Variants in BMPR1A observed in about 807,000 individuals in gnomAD.
BMPR1A encodes bone morphogenetic protein receptor type 1A.
BMPR1A carries 7 observed loss-of-function variants against 66.0 expected under a neutral mutation model. The observed-to-expected ratio is 0.11, with a 90% confidence interval of 0.06 to 0.20. The LOEUF (loss-of-function observed/expected upper bound fraction) is 0.20. Among genes scored for constraint, BMPR1A ranks in the 10% least tolerant of loss-of-function variants. The probability of loss-of-function intolerance (pLI) is 1.00; values close to 1 mark genes in which losing one functional copy is unlikely to be tolerated. For missense variants in BMPR1A, 408 were observed against 669.1 expected (o/e 0.61, Z 4.31); for synonymous variants, 200 against 229.7 (o/e 0.87, Z 1.17).
chr10:86,892,290 T>A (rs947259814), intron 5 of BMPR1A, 61 bp downstream of exon 5: 2 of 1,327,834 alleles, frequency 1.5e-6, no homozygotes, highest in African/African-American at 2.9e-5. Context: ...AAGCATCGAT[T>A]TCCCCCAGGA....
chr10:86,818,982 C>T (rs1304784300), intron 1 of BMPR1A, among the ~76,000 whole-genome samples: 1 of 152,000 alleles, frequency 6.6e-6, no homozygotes, highest in Non-Finnish European at 1.5e-5. Flanking sequence ...TTGAATGAAC[C>T]CGAAGAATTC....
At chr10:86,869,948 C>A (rs190707682) in intron 2 of BMPR1A, among the ~76,000 whole-genome samples, 1 of 151,824 alleles carries the variant, frequency 6.6e-6, no homozygotes, top group South Asian at 2.1e-4. Flanking sequence ...TGAAGGAAAC[C>A]GAGACCTGGA....
intron 1 of BMPR1A, among the ~76,000 whole-genome samples, chr10:86,814,563 ATTAC>A (rs1397719606): frequency 6.6e-6 from 1 of 151,938 alleles, no homozygotes; most frequent in African/African-American, 2.4e-5. Flanking sequence ...TAAATTTCTA[ATTAC>A]TTACTGAGTC....
At chr10:86,875,033 T>A (rs1367384577) in intron 2 of BMPR1A, among the ~76,000 whole-genome samples, 1 of 151,268 alleles carries the variant, frequency 6.6e-6, no homozygotes, top group African/African-American at 2.4e-5. Flanking sequence ...CCTGGCTCCT[T>A]TTTCTTTTTT....
chr10:86,784,092 A>C (rs145826100), intron 1 of BMPR1A, among the ~76,000 whole-genome samples: 1 of 152,094 alleles, frequency 6.6e-6, no homozygotes, highest in Non-Finnish European at 1.5e-5. Context: ...TTCCTTTCCA[A>C]TTTGGATGCC....
At chr10:86,813,605 G>C (rs1050280112) in intron 1 of BMPR1A, among the ~76,000 whole-genome samples, 2 of 152,100 alleles carry the variant, frequency 1.3e-5, no homozygotes, top group African/African-American at 4.8e-5. Flanking sequence ...TATCCACCAT[G>C]GGTTGAAACC....
chr10:86,777,678 T>C (rs999000975), intron 1 of BMPR1A, among the ~76,000 whole-genome samples: 1 of 152,130 alleles, frequency 6.6e-6, no homozygotes, highest in African/African-American at 2.4e-5. Flanking sequence ...AACAGATCTC[T>C]AGAACTTTTT....
At chr10:86,914,465 G>A (rs78344952) in intron 8 of BMPR1A, among the ~76,000 whole-genome samples, 112 of 152,152 alleles carry the variant, frequency 7.4e-4, no homozygotes, top group African/African-American at 2.6e-3. Context: ...GTCACAGATT[G>A]GCAAAACAGA....
intron 1 of BMPR1A, among the ~76,000 whole-genome samples, chr10:86,768,628 T>G (rs758980091): frequency 1.3e-5 from 2 of 152,236 alleles, no homozygotes; most frequent in African/African-American, 2.4e-5. Context: ...CATTAATAGC[T>G]TAAAAGAATA....
intron 1 of BMPR1A, among the ~76,000 whole-genome samples, chr10:86,823,716 A>C (rs1293204600): frequency 6.6e-6 from 1 of 152,164 alleles, no homozygotes; most frequent in African/African-American, 2.4e-5. Flanking sequence ...ATCCTGCTTC[A>C]CAACCATAGA....
chr10:86,918,807 G>A (rs575762619), intron 9 of BMPR1A, among the ~76,000 whole-genome samples: 2 of 152,186 alleles, frequency 1.3e-5, no homozygotes, highest in Admixed American at 1.3e-4. Flanking sequence ...ATTTTTAGTA[G>A]AGACGGGGTT....
chr10:86,861,855 T>C (rs1036102094), intron 2 of BMPR1A, among the ~76,000 whole-genome samples: 2 of 152,260 alleles, frequency 1.3e-5, no homozygotes, highest in Non-Finnish European at 1.5e-5. Flanking sequence ...GTGGTTTTTA[T>C]ATCATTTCAG....
At chr10:86,778,508 C>A (rs548715923) in intron 1 of BMPR1A, among the ~76,000 whole-genome samples, 2 of 152,080 alleles carry the variant, frequency 1.3e-5, no homozygotes, top group Admixed American at 1.3e-4. Context: ...CCCAGGGAAG[C>A]CAAAAGATTG....
chr10:86,765,768 AGT>A (rs1332948065), intron 1 of BMPR1A, among the ~76,000 whole-genome samples: 2 of 152,208 alleles, frequency 1.3e-5, no homozygotes, highest in East Asian at 3.8e-4. Context: ...ACAGAAATGA[AGT>A]AATGAAAGTC....
rs375729854 is a variant in BMPR1A, at chr10:86,802,900, A to G, written c.-267-35965A>G. On this transcript the variant is annotated intron_variant, in intron 1 of 12. Coordinates refer to ENST00000372037, the MANE Select transcript of BMPR1A (RefSeq NM_004329.3). ...TGCGTGGACAACGTAGTGAGACTCC[A>G]TGTCTCCAAAAAAGACAAAGATTAG... is the stretch of plus-strand genomic sequence containing the variant. Among the ~76,000 whole-genome samples, 42 of 150,262 alleles carry G rather than the reference A, an allele frequency of 2.8e-4. No homozygotes were observed. In the South Asian group the frequency reaches 7.9e-3, roughly 28 times the overall value.
chr10:86,843,345 A>G (rs1842448385), intron 2 of BMPR1A: 1 of 151,908 alleles, frequency 6.6e-6, no homozygotes, highest in African/African-American at 2.4e-5. Context: ...TATTGCTTTG[A>G]CTCTAAATAT....
At chr10:86,844,808 C>T (rs1299240245) in intron 2 of BMPR1A, among the ~76,000 whole-genome samples, 7 of 152,168 alleles carry the variant, frequency 4.6e-5, no homozygotes, top group Admixed American at 4.6e-4. Flanking sequence ...TGGAGTTTCA[C>T]TCTTGTTGCC....
intron 7 of BMPR1A, among the ~76,000 whole-genome samples, chr10:86,904,972 T>C (rs1345853964): frequency 6.6e-6 from 1 of 152,196 alleles, no homozygotes; most frequent in Non-Finnish European, 1.5e-5. Flanking sequence ...TTCATTCATA[T>C]TTAGTTGAAC....
At chr10:86,821,606 C>G (rs1312155233) in intron 1 of BMPR1A, among the ~76,000 whole-genome samples, 1 of 152,134 alleles carries the variant, frequency 6.6e-6, no homozygotes, top group Non-Finnish European at 1.5e-5. Context: ...AGACCATTAA[C>G]TTCATTACAT....
Sources: allele counts gnomAD v4.1 joint callset (sites outside exome capture counted in the v4.1 genomes callset), GRCh38; gene constraint gnomAD v4.1.1; transcripts MANE v1.5; gene names NCBI Gene and HGNC (gene_info 2026-07-23, HGNC 2026-07-21).